The following THADA variants were observed in gnomAD, a reference collection of about 807,000 sequenced individuals.
THADA encodes the protein tRNA (32-2'-O)-methyltransferase regulator THADA.
THADA carries 213 observed loss-of-function variants against 219.8 expected under a neutral mutation model. The ratio of observed to expected loss-of-function variants is 0.97; its 90% CI spans 0.87 to 1.09. The LOEUF (loss-of-function observed/expected upper bound fraction) is 1.09. Ranked by LOEUF, THADA falls within the 50% of genes least tolerant of loss-of-function variation. The pLI, the probability that THADA is intolerant of heterozygous loss-of-function variation, is 0.00. For synonymous variants in THADA, 1,018 were observed against 828.9 expected (o/e 1.23, Z -3.92); for missense variants, 2,956 against 2,311.3 (o/e 1.28, Z -5.72).
intron 30 of THADA, among the ~76,000 whole-genome samples, chr2:43,334,172 CAGTA>C (rs2104506623): frequency 6.6e-6 from 1 of 151,992 alleles, no homozygotes; most frequent in African/African-American, 2.4e-5. Flanking sequence ...CAGTGGGGTC[CAGTA>C]AGTAAGACAG....
intron 31 of THADA, among the ~76,000 whole-genome samples, chr2:43,316,152 C>T (rs1230007995): frequency 6.6e-6 from 1 of 152,146 alleles, no homozygotes; most frequent in East Asian, 1.9e-4. Context: ...CTGGTGAATC[C>T]CTACCCACTG....
intron 31 of THADA, among the ~76,000 whole-genome samples, chr2:43,319,823 C>T (rs1465205818): frequency 2.0e-5 from 3 of 152,166 alleles, no homozygotes; most frequent in Non-Finnish European, 4.4e-5. Flanking sequence ...AATTCATGTA[C>T]AGCACTTCCT....
intron 26 of THADA, among the ~76,000 whole-genome samples, chr2:43,457,555 T>C (rs1167837942): frequency 6.6e-6 from 1 of 152,126 alleles, no homozygotes; most frequent in African/African-American, 2.4e-5. Context: ...ATAAAAACAA[T>C]GAATTGAAGG....
chr2:43,446,449 C>T (rs1387060848), intron 26 of THADA, among the ~76,000 whole-genome samples: 1 of 152,210 alleles, frequency 6.6e-6, no homozygotes, highest in African/African-American at 2.4e-5. Context: ...CCTGACTACC[C>T]TGCTAGAGAG....
At chr2:43,343,919 G>A (rs1002184816) in intron 30 of THADA, 2 of 473,918 alleles carry the variant, frequency 4.2e-6, no homozygotes, top group East Asian at 7.3e-5. Context: ...ATGCCCCTCA[G>A]TCACTTAGCA....
intron 34 of THADA, among the ~76,000 whole-genome samples, chr2:43,290,729 G>A (rs1180174230): frequency 6.6e-6 from 1 of 152,006 alleles, no homozygotes; most frequent in Admixed American, 6.6e-5. Context: ...CCATCAGTGT[G>A]GCTGTGTGGA....
chr2:43,548,305 A>G (rs1433548849), intron 20 of THADA, among the ~76,000 whole-genome samples: 1 of 152,140 alleles, frequency 6.6e-6, no homozygotes, highest in Non-Finnish European at 1.5e-5. Context: ...TAGGCTGCTC[A>G]GGGTTCAGGG....
intron 36 of THADA, among the ~76,000 whole-genome samples, chr2:43,265,946 C>T (rs1384312154): frequency 5.0e-5 from 4 of 80,624 alleles, no homozygotes; most frequent in Non-Finnish European, 7.9e-5. Context: ...CACACACACA[C>T]ACACACACAC....
At chr2:43,232,600 T>G in intron 37 of THADA, 113 bp downstream of exon 37, 5 of 1,196,348 alleles carry the variant, frequency 4.2e-6, no homozygotes, top group Non-Finnish European at 5.9e-6. Context: ...TTCCTAGTGG[T>G]TCCTGCTCTG....
chr2:43,545,472 T>C (rs1695898865), intron 20 of THADA, among the ~76,000 whole-genome samples: 2 of 152,232 alleles, frequency 1.3e-5, no homozygotes, highest in African/African-American at 2.4e-5. Flanking sequence ...CTTGTACCTC[T>C]GGTAGAATTC....
At chr2:43,499,400 G>T (rs746735219) in intron 24 of THADA, among the ~76,000 whole-genome samples, 1 of 152,058 alleles carries the variant, frequency 6.6e-6, no homozygotes, top group South Asian at 2.1e-4. Flanking sequence ...TTATTAGATG[G>T]AGTTTCACTC....
intron 14 of THADA, among the ~76,000 whole-genome samples, chr2:43,567,327 T>G (rs549617302): frequency 1.1e-4 from 17 of 152,064 alleles, no homozygotes; most frequent in Non-Finnish European, 2.4e-4. Flanking sequence ...TAAAACAGGA[T>G]TCACATTAAA....
At chr2:43,478,155 G>A (rs1685763737) in intron 26 of THADA, among the ~76,000 whole-genome samples, 1 of 152,126 alleles carries the variant, frequency 6.6e-6, no homozygotes, top group African/African-American at 2.4e-5. Flanking sequence ...TATATACCAG[G>A]ATGCCAAGGT....
chr2:43,373,025 AC>A (rs925283670), intron 29 of THADA, among the ~76,000 whole-genome samples: 7 of 151,846 alleles, frequency 4.6e-5, no homozygotes, highest in African/African-American at 1.5e-4. Flanking sequence ...CCATTGGAAT[AC>A]CCCCCCAAAA....
intron 36 of THADA, among the ~76,000 whole-genome samples, chr2:43,235,868 G>A (rs1429803211): frequency 1.3e-5 from 2 of 151,198 alleles, no homozygotes; most frequent in Admixed American, 6.6e-5. Context: ...GTGCAGTGGC[G>A]GGATCTCGGC....
intron 36 of THADA, among the ~76,000 whole-genome samples, chr2:43,250,701 A>AAAAATAAAATAAAATAAAAT (rs59292030): frequency 3.9e-5 from 6 of 151,976 alleles, no homozygotes; most frequent in African/African-American, 1.5e-4. Context: ...GTTTCTCTAT[A>AAAAATAAAATAAAATAAAAT]AAAATAAAAT....
chr2:43,274,136 C>G (rs940578607), intron 36 of THADA, among the ~76,000 whole-genome samples: 1 of 152,126 alleles, frequency 6.6e-6, no homozygotes, highest in Non-Finnish European at 1.5e-5. Context: ...TCCCAGATAA[C>G]CCAGGGGCAT....
intron 26 of THADA, among the ~76,000 whole-genome samples, chr2:43,448,115 A>G (rs1681815641): frequency 6.6e-6 from 1 of 152,260 alleles, no homozygotes; most frequent in African/African-American, 2.4e-5. Context: ...AAACAAAACC[A>G]GTGAAAGAAT....
rs530141465 is a variant in THADA at position 43,241,796 on chromosome 2, G to A, written c.5297-8914C>T. Among the ~76,000 whole-genome samples the A allele has an allele frequency of 5.9e-5, 9 of 152,190 alleles. No homozygotes were observed. In the South Asian group the frequency reaches 1.9e-3, roughly 32 times the overall value. ...CCCATCGCGCGCCTTTCACGTGCGT[G>A]CTCACTTGAGTGGTCTCTGTGGACA... On this transcript the variant is annotated intron_variant, in intron 36 of 37. Transcript: ENST00000405975.
Sources: allele counts gnomAD v4.1 joint callset (sites outside exome capture counted in the v4.1 genomes callset), GRCh38; gene constraint gnomAD v4.1.1; transcripts MANE v1.5; gene names NCBI Gene and HGNC (gene_info 2026-07-23, HGNC 2026-07-21).